BABAM2: variants seen among roughly 807,000 people sequenced by gnomAD.
BABAM2 encodes BRISC and BRCA1 A complex member 2.
Under a neutral mutation model 54.7 loss-of-function variants are expected in BABAM2, and 31 were observed. The ratio of observed to expected loss-of-function variants is 0.57; its 90% CI spans 0.43 to 0.77. The LOEUF (loss-of-function observed/expected upper bound fraction) is 0.77. BABAM2 is among the 30% of genes least tolerant of loss of function. BABAM2 has a pLI of 0.00. For synonymous variants in BABAM2, 167 were observed against 162.9 expected (o/e 1.03, Z -0.19); for missense variants, 364 against 455.8 (o/e 0.80, Z 1.83).
chr2:27,964,336 TC>T (rs1262899440), intron 3 of BABAM2, among the ~76,000 whole-genome samples: 1 of 152,150 alleles, frequency 6.6e-6, no homozygotes, highest in Non-Finnish European at 1.5e-5. Flanking sequence ...TTATATAAAT[TC>T]CCCAGTCTCA....
intron 6 of BABAM2, among the ~76,000 whole-genome samples, chr2:28,078,660 G>A (rs1195110542): frequency 6.6e-6 from 1 of 152,116 alleles, no homozygotes. Flanking sequence ...TTAGAGTGGG[G>A]TATAGGTTTG....
At chr2:27,982,844 T>TATACACAC (rs1553405520) in intron 3 of BABAM2, among the ~76,000 whole-genome samples, 4,312 of 127,194 alleles carry the variant, frequency 0.034, 90 homozygotes, top group Middle Eastern at 0.058. Context: ...TCATTATGTG[T>TATACACAC]ACACACACAC....
chr2:28,131,422 G>A (rs908130024), intron 7 of BABAM2, among the ~76,000 whole-genome samples: 3 of 151,552 alleles, frequency 2.0e-5, no homozygotes, highest in Non-Finnish European at 4.4e-5. Flanking sequence ...ATTAGTAAGC[G>A]ATCAGTGGAT....
At chr2:28,025,142 C>A in intron 4 of BABAM2, 84 bp from the exon 5 acceptor site, 1 of 1,235,066 alleles carries the variant, frequency 8.1e-7, no homozygotes, top group Non-Finnish European at 1.1e-6. Flanking sequence ...TACTCTTTTC[C>A]TCTACATTGA....
intron 6 of BABAM2, among the ~76,000 whole-genome samples, chr2:28,109,219 C>T (rs1160261325): frequency 1.5e-5 from 2 of 132,986 alleles, no homozygotes; most frequent in Admixed American, 8.2e-5. Flanking sequence ...GACAGAGTCT[C>T]ACTCTGTCGC....
In BABAM2 at chr2:27,978,179, A is replaced by G. The variant is rs539533402; in HGVS notation, c.206-9814A>G. Among the ~76,000 whole-genome samples the G allele has an allele frequency of 4.6e-5, 7 of 152,230 alleles. No individual in the cohort carries two copies. In the South Asian group the frequency reaches 8.3e-4, roughly 18 times the overall value. ...ATGGTGTGGTGCTGTCCTTGTGATAATGAAAGAGTTCTTGCTCTGACTTCA... is the reference window on the plus strand; with the variant it reads ...ATGGTGTGGTGCTGTCCTTGTGATAGTGAAAGAGTTCTTGCTCTGACTTCA... On this transcript the variant is annotated intron_variant, in intron 3 of 11. Coordinates refer to ENST00000379624, the MANE Select transcript of BABAM2 (RefSeq NM_199191.3).
intron 7 of BABAM2, among the ~76,000 whole-genome samples, chr2:28,215,833 A>G (rs1380968958): frequency 6.6e-6 from 1 of 152,016 alleles, no homozygotes; most frequent in African/African-American, 2.4e-5. Context: ...TCAGGTTTTC[A>G]TAGTTACCCT....
chr2:28,258,555 C>T (rs143786809), intron 10 of BABAM2, among the ~76,000 whole-genome samples: 167 of 150,914 alleles, frequency 1.1e-3, no homozygotes, highest in African/African-American at 3.8e-3. Flanking sequence ...CTATGCTTAT[C>T]TGCCATTCGG....
Position 28,322,173 on chromosome 2 carries a change from T to C in BABAM2, c.1089-16277T>C, listed in dbSNP as rs1237902779. ...TACCACTGAGACTGGGGCAGAGTAG[T>C]CTGGAGTGCTGCATGTAAAGCTAGG... is the stretch of plus-strand genomic sequence containing the variant. On this transcript the variant is annotated intron_variant, in intron 11 of 11. Coordinates refer to ENST00000379624, the MANE Select transcript of BABAM2 (RefSeq NM_199191.3). The surrounding 1 kb of genome is among the most constrained non-coding windows in gnomAD (Gnocchi z 4.1). Among the ~76,000 whole-genome samples the C allele has an allele frequency of 6.6e-6, 1 of 152,036 alleles. No homozygotes were observed. The highest frequency in any genetic ancestry group is 2.4e-5 in the African/African-American group (1 of 41,392).
intron 7 of BABAM2, among the ~76,000 whole-genome samples, chr2:28,178,177 G>A (rs545171373): frequency 3.8e-4 from 58 of 152,096 alleles, no homozygotes; most frequent in Admixed American, 6.5e-4. Context: ...TATTCTACCC[G>A]ACAGCTGCAG....
chr2:27,930,173 A>G, intron 3 of BABAM2: 3 of 353,876 alleles, frequency 8.5e-6, no homozygotes, highest in Admixed American at 4.4e-5. Flanking sequence ...TTTTTTCTCT[A>G]TAGGCGGCTT....
chr2:28,058,746 C>T (rs1678631963), intron 6 of BABAM2, among the ~76,000 whole-genome samples: 1 of 152,090 alleles, frequency 6.6e-6, no homozygotes, highest in Non-Finnish European at 1.5e-5. Flanking sequence ...CGTTTAGAAA[C>T]ATTAAAAGCA....
intron 3 of BABAM2, among the ~76,000 whole-genome samples, chr2:27,985,599 A>G (rs1270271266): frequency 6.6e-6 from 1 of 152,146 alleles, no homozygotes; most frequent in Non-Finnish European, 1.5e-5. Context: ...TGTTTATTGA[A>G]TATATTCTAT....
chr2:28,116,153 A>G (rs1668595825), intron 6 of BABAM2, among the ~76,000 whole-genome samples: 1 of 151,070 alleles, frequency 6.6e-6, no homozygotes, highest in Non-Finnish European at 1.5e-5. Context: ...ACCTTGGAGG[A>G]GCTTAAATGT....
chr2:28,228,282 A>G (rs749734610), intron 7 of BABAM2, among the ~76,000 whole-genome samples: 22 of 152,238 alleles, frequency 1.4e-4, no homozygotes, highest in Non-Finnish European at 2.4e-4. Flanking sequence ...ACCAGGTAAT[A>G]GAAATCAGGT....
intron 6 of BABAM2, among the ~76,000 whole-genome samples, chr2:28,095,251 G>T (rs1298948971): frequency 6.6e-6 from 1 of 152,126 alleles, no homozygotes; most frequent in Non-Finnish European, 1.5e-5. Flanking sequence ...TATCCAGGAG[G>T]CATTTCTAGA....
intron 10 of BABAM2, among the ~76,000 whole-genome samples, chr2:28,295,609 T>C (rs1687620258): frequency 6.6e-6 from 1 of 152,028 alleles, no homozygotes; most frequent in Admixed American, 6.6e-5. Context: ...GATTCTCCTG[T>C]CTCAGCCTTC....
chr2:28,224,851 CAAAAAA>C (rs754146418), intron 7 of BABAM2, among the ~76,000 whole-genome samples: 15 of 83,920 alleles, frequency 1.8e-4, no homozygotes, highest in East Asian at 6.8e-4. Flanking sequence ...GGTAAATTGA[CAAAAAA>C]AAAAAAAAAA....
chr2:28,062,561 C>CAA (rs1273524201), intron 6 of BABAM2, among the ~76,000 whole-genome samples: 33 of 68,854 alleles, frequency 4.8e-4, no homozygotes, highest in African/African-American at 1.4e-3. Flanking sequence ...GACTCCATCT[C>CAA]AAAAAAAAAA....
Sources: allele counts gnomAD v4.1 joint callset (sites outside exome capture counted in the v4.1 genomes callset), GRCh38; gene constraint gnomAD v4.1.1; non-coding constraint Gnocchi (gnomAD v3.1); transcripts MANE v1.5; gene names NCBI Gene and HGNC (gene_info 2026-07-23, HGNC 2026-07-21).